The following NMNAT2 variants were observed in gnomAD, a reference collection of about 807,000 sequenced individuals.
NMNAT2 encodes nicotinamide nucleotide adenylyltransferase 2.
In NMNAT2, 11 loss-of-function variants were observed where a neutral mutation model predicts 41.6. The observed-to-expected ratio is 0.26, with a 90% CI of 0.17 to 0.44. The LOEUF (loss-of-function observed/expected upper bound fraction) is 0.44, where lower values mean the gene tolerates loss of function less well. NMNAT2 is among the 20% of genes least tolerant of loss of function. NMNAT2 has a pLI of 1.00. For synonymous variants in NMNAT2, 148 were observed against 151.2 expected (o/e 0.98, Z 0.16); for missense variants, 288 against 407.7 (o/e 0.71, Z 2.53).
intron 1 of NMNAT2, among the ~76,000 whole-genome samples, chr1:183,333,964 GA>G (rs1662633900): frequency 6.6e-6 from 1 of 152,198 alleles, no homozygotes; most frequent in Non-Finnish European, 1.5e-5. Context: ...ACTGAAAGGA[GA>G]AAATGATCTC....
At chr1:183,265,521 T>C (rs1660791005) in intron 8 of NMNAT2, among the ~76,000 whole-genome samples, 1 of 152,130 alleles carries the variant, frequency 6.6e-6, no homozygotes, top group Admixed American at 6.6e-5. Flanking sequence ...TCCCTCGGCC[T>C]CCCAAAGTGC....
chr1:183,305,642 C>T (rs937875844), intron 1 of NMNAT2, among the ~76,000 whole-genome samples: 3 of 148,184 alleles, frequency 2.0e-5, no homozygotes, highest in South Asian at 2.2e-4. Flanking sequence ...GGCTGCAGTG[C>T]GGGGATTTTT....
intron 1 of NMNAT2, among the ~76,000 whole-genome samples, chr1:183,339,913 C>T (rs895231701): frequency 1.3e-5 from 2 of 151,878 alleles, no homozygotes; most frequent in African/African-American, 4.8e-5. Flanking sequence ...ATGTACTGAG[C>T]AGCCAGGCCA....
At chr1:183,268,585 A>G (rs984369249) in intron 8 of NMNAT2, among the ~76,000 whole-genome samples, 8 of 152,194 alleles carry the variant, frequency 5.3e-5, no homozygotes, top group Non-Finnish European at 1.2e-4. Flanking sequence ...TCCTCCAACC[A>G]AGTTGTTCTC....
At chr1:183,379,088 C>CTATATA (rs1663743073) in intron 1 of NMNAT2, among the ~76,000 whole-genome samples, 2 of 111,544 alleles carry the variant, frequency 1.8e-5, no homozygotes, top group Admixed American at 1.9e-4. Flanking sequence ...ATATCTATAT[C>CTATATA]TATAATCTAT....
At chr1:183,371,238 G>T (rs541642448) in intron 1 of NMNAT2, among the ~76,000 whole-genome samples, 1 of 152,312 alleles carries the variant, frequency 6.6e-6, no homozygotes, top group East Asian at 1.9e-4. Flanking sequence ...TATACAGCAT[G>T]ATTCCAATGA....
At chr1:183,274,955 T>C (rs1661086633) in intron 8 of NMNAT2, among the ~76,000 whole-genome samples, 1 of 151,992 alleles carries the variant, frequency 6.6e-6, no homozygotes, top group African/African-American at 2.4e-5. Flanking sequence ...GGCAGCACAC[T>C]AGGGGCAAAA....
At chr1:183,284,134 ATGGGG>A in intron 6 of NMNAT2, 95 bp from the exon 7 acceptor site, 5 of 542,322 alleles carry the variant, frequency 9.2e-6, no homozygotes, top group Non-Finnish European at 1.7e-5. Context: ...AATTATTGGG[ATGGGG>A]TGGGGTGGGT....
Position 183,261,230 on chromosome 1 carries a change from T to C in NMNAT2, c.725A>G (p.Asn242Ser), listed in dbSNP as rs200515700. 3 of 1,614,030 alleles carry C rather than the reference T, an allele frequency of 1.9e-6. No individual in the cohort carries two copies. The highest frequency in any genetic ancestry group is 2.7e-5 in the African/African-American group (2 of 74,902). ...RDAADTDRIM[N>S]HSSILRKYKN... ...GTATTTGCGGAGTATTGAGGAGTGA[T>C]TCATGATTCGGTCTGTGTCGGCTGC... Residue 242 changes from asparagine (N) to serine (S), a missense_variant, in exon 9 of 11, where the codon AAT (asparagine) becomes AGT (serine). Physicochemically the swap from Asn to Ser is conservative, Grantham distance 46. Transcript: ENST00000287713.
chr1:183,379,573 G>C (rs932793070), intron 1 of NMNAT2, among the ~76,000 whole-genome samples: 1 of 152,086 alleles, frequency 6.6e-6, no homozygotes, highest in Non-Finnish European at 1.5e-5. Flanking sequence ...AAGAAAGCTG[G>C]AATAGTTATA....
rs1415172446 is a variant in NMNAT2 at position 183,318,947 on chromosome 1, T to C, written c.86-25154A>G. ...GGTATCATTAAGCACAATTTATAGA[T>C]GAGAAGTTAAGGACTTGCTTATAAG... On this transcript the variant is annotated intron_variant, in intron 1 of 10. Coordinates refer to ENST00000287713, the MANE Select transcript of NMNAT2 (RefSeq NM_015039.4). Among the ~76,000 whole-genome samples, 5 of 152,330 alleles carry C rather than the reference T, an allele frequency of 3.3e-5. No homozygotes were observed. The South Asian group carries it at 8.3e-4, about 25-fold the overall frequency.
At chr1:183,289,875 C>G (rs1041373396) in intron 4 of NMNAT2, among the ~76,000 whole-genome samples, 1 of 152,230 alleles carries the variant, frequency 6.6e-6, no homozygotes, top group South Asian at 2.1e-4. Context: ...AGCAGCAACA[C>G]CCCAAATGGG....
At chr1:183,405,119 C>T (rs1411920058) in intron 1 of NMNAT2, among the ~76,000 whole-genome samples, 1 of 152,070 alleles carries the variant, frequency 6.6e-6, no homozygotes, top group Non-Finnish European at 1.5e-5. Flanking sequence ...AGTTGGAAGG[C>T]TGAGGTGAAA....
intron 1 of NMNAT2, among the ~76,000 whole-genome samples, chr1:183,325,295 C>G (rs4651152): frequency 0.45 from 68,210 of 152,186 alleles, 16,315 homozygotes; most frequent in East Asian, 0.79. Flanking sequence ...ACATTTCACT[C>G]TCAATTCAAT....
At chr1:183,364,455 C>T (rs1004256335) in intron 1 of NMNAT2, among the ~76,000 whole-genome samples, 1 of 152,098 alleles carries the variant, frequency 6.6e-6, no homozygotes, top group Non-Finnish European at 1.5e-5. Flanking sequence ...CCCATTTCTT[C>T]ATTATTCTAT....
At chr1:183,253,947 G>GTGTGTGTA (rs1660457430) in intron 10 of NMNAT2, among the ~76,000 whole-genome samples, 1 of 148,754 alleles carries the variant, frequency 6.7e-6, no homozygotes, top group Non-Finnish European at 1.5e-5. Context: ...GTGTGTGTAT[G>GTGTGTGTA]TGTGTGTGTA....
chr1:183,368,999 G>A (rs1049638085), intron 1 of NMNAT2, among the ~76,000 whole-genome samples: 2 of 152,102 alleles, frequency 1.3e-5, no homozygotes, highest in Non-Finnish European at 2.9e-5. Context: ...GCCTAATCAC[G>A]GGCATGGGGA....
At chr1:183,312,596 A>C (rs1662149636) in intron 1 of NMNAT2, among the ~76,000 whole-genome samples, 1 of 151,880 alleles carries the variant, frequency 6.6e-6, no homozygotes, top group African/African-American at 2.4e-5. Context: ...TATTGGTGAC[A>C]GTTTGTCAAG....
At chr1:183,292,574 C>T (rs1267406489) in intron 3 of NMNAT2, among the ~76,000 whole-genome samples, 4 of 152,222 alleles carry the variant, frequency 2.6e-5, no homozygotes, top group Non-Finnish European at 4.4e-5. Context: ...AACATTCAAG[C>T]ACATTCTTTA....
Sources: allele counts gnomAD v4.1 joint callset (sites outside exome capture counted in the v4.1 genomes callset), GRCh38; gene constraint gnomAD v4.1.1; transcripts MANE v1.5; gene names NCBI Gene and HGNC (gene_info 2026-07-23, HGNC 2026-07-21).